STPG2: variants seen among roughly 807,000 people sequenced by gnomAD.
The protein encoded by STPG2 is sperm-tail PG-rich repeat-containing protein 2.
A neutral mutation model predicts 54.2 loss-of-function variants in STPG2; 56 were observed. The observed-to-expected ratio is 1.03, with a 90% CI of 0.83 to 1.29. The LOEUF (loss-of-function observed/expected upper bound fraction) is 1.29. STPG2 is among the 50% of genes most tolerant of loss of function. The probability of loss-of-function intolerance (pLI) is 0.00; values close to 1 mark genes in which losing one functional copy is unlikely to be tolerated. For missense variants in STPG2, 596 were observed against 544.9 expected (o/e 1.09, Z -0.93); for synonymous variants, 200 against 181.8 (o/e 1.10, Z -0.81).
At chr4:97,890,154 A>T (rs1285245837) in intron 8 of STPG2, among the ~76,000 whole-genome samples, 1 of 152,106 alleles carries the variant, frequency 6.6e-6, no homozygotes, top group Non-Finnish European at 1.5e-5. Flanking sequence ...AGTTACCATG[A>T]TAATCCTGAA....
intron 4 of STPG2, among the ~76,000 whole-genome samples, chr4:97,455,209 A>T (rs773667172): frequency 3.9e-5 from 6 of 152,196 alleles, no homozygotes; most frequent in Non-Finnish European, 7.3e-5. Context: ...ACATTGATAC[A>T]GGAGTGGGGC....
intron 8 of STPG2, among the ~76,000 whole-genome samples, chr4:97,860,698 A>G (rs1458633868): frequency 9.9e-5 from 15 of 152,042 alleles, no homozygotes; most frequent in Non-Finnish European, 1.6e-4. Context: ...GGGGTTTTCT[A>G]GATACATGAC....
In STPG2 at chr4:97,777,349, C is replaced by T. The variant is rs112571822; in HGVS notation, c.1204+63424G>A. On this transcript the variant is annotated intron_variant, in intron 9 of 10. Coordinates refer to ENST00000295268, the MANE Select transcript of STPG2 (RefSeq NM_174952.3). ...AAATCATCTCTTTCTTTAAATTAGACAGAAAGGTCTTATTCTGATGCGACT... is the reference window on the plus strand; with the variant it reads ...AAATCATCTCTTTCTTTAAATTAGATAGAAAGGTCTTATTCTGATGCGACT... 5.5e-3 allele frequency among the ~76,000 whole-genome samples: 843 copies of T among 152,236 alleles called. 4 individuals are homozygous for T. Among genetic ancestry groups the T allele is most frequent in the Middle Eastern group, 0.02 (6 of 294 alleles).
intron 4 of STPG2, among the ~76,000 whole-genome samples, chr4:97,452,122 C>A (rs1243061397): frequency 2.2e-4 from 8 of 36,104 alleles, no homozygotes; most frequent in Non-Finnish European, 5.7e-4. Flanking sequence ...CCGCCCCCAC[C>A]CCCCCCCCCC....
intron 10 of STPG2, among the ~76,000 whole-genome samples, chr4:97,662,414 T>G (rs541795847): frequency 6.6e-6 from 1 of 152,110 alleles, no homozygotes; most frequent in South Asian, 2.1e-4. Flanking sequence ...AATGCTTATA[T>G]AATGTGGGTT....
Position 98,134,560 on chromosome 4 carries a change from T to C in STPG2, c.110-101A>G, listed in dbSNP as rs1314728952. On this transcript the variant is annotated intron_variant, in intron 1 of 10. Transcript: ENST00000295268. ...TATAATCATGAGTATCCTCAATTGTTAAGACTTTATTTTCAGAACTGTCTA... is the reference window on the plus strand; with the variant it reads ...TATAATCATGAGTATCCTCAATTGTCAAGACTTTATTTTCAGAACTGTCTA... 4 of 488,462 alleles carry C rather than the reference T, an allele frequency of 8.2e-6. No individual in the cohort carries two copies. The Admixed American group carries it at 1.3e-4, about 15-fold the overall frequency. 30.3% of individuals were successfully genotyped at this position (488,462 alleles called of 1,614,324 possible). A position where few individuals can be genotyped will look rare whatever the true frequency, so the allele number is the denominator to read the frequency against.
chr4:97,504,483 T>C (rs1424563219), intron 4 of STPG2, among the ~76,000 whole-genome samples: 1 of 151,870 alleles, frequency 6.6e-6, no homozygotes, highest in Non-Finnish European at 1.5e-5. Context: ...AAAATTTAAA[T>C]AGTACCTATG....
chr4:97,923,235 C>T (rs1732180136), intron 8 of STPG2, among the ~76,000 whole-genome samples: 1 of 152,254 alleles, frequency 6.6e-6, no homozygotes. Context: ...GCTCCCTCAG[C>T]CTGCGGGGGG....
At chr4:98,024,426 A>G (rs1221148503) in intron 5 of STPG2, among the ~76,000 whole-genome samples, 3 of 152,316 alleles carry the variant, frequency 2.0e-5, no homozygotes, top group East Asian at 1.9e-4. Flanking sequence ...TTAATAGGTC[A>G]CTGCTGATCT....
chr4:97,907,204 G>T (rs1184107447), intron 8 of STPG2, among the ~76,000 whole-genome samples: 4 of 151,080 alleles, frequency 2.6e-5, no homozygotes, highest in Admixed American at 2.0e-4. Flanking sequence ...AAAATCACAA[G>T]CATTCTTATA....
At chr4:97,639,927 C>T (rs116839988) in intron 10 of STPG2, among the ~76,000 whole-genome samples, 57 of 152,082 alleles carry the variant, frequency 3.7e-4, no homozygotes, top group African/African-American at 1.3e-3. Context: ...ACGCCAGGAG[C>T]TCTAATATTC....
chr4:98,019,576 G>A (rs573005470), intron 5 of STPG2, among the ~76,000 whole-genome samples: 4 of 151,646 alleles, frequency 2.6e-5, no homozygotes, highest in African/African-American at 4.8e-5. Flanking sequence ...AGCTTGATGG[G>A]GATGGCATTG....
At chr4:97,574,168 T>G (rs1732664972) in intron 10 of STPG2, among the ~76,000 whole-genome samples, 2 of 152,028 alleles carry the variant, frequency 1.3e-5, no homozygotes, top group Admixed American at 1.3e-4. Context: ...ATTATTAATC[T>G]CTAAGAAATA....
At position 97,563,679 on chromosome 4, in the gene STPG2, C is replaced by G. The variant is rs1002825065; in HGVS notation, c.1321-4562G>C. Among the ~76,000 whole-genome samples the G allele has an allele frequency of 3.3e-5, 5 of 152,086 alleles. No individual in the cohort carries two copies. In the East Asian group the frequency reaches 9.6e-4, roughly 29 times the overall value. ...GTTTCAAAGAACATCTTTATTTCTG[C>G]CTTCATTTCGTTATGTACCCAGTAG... On this transcript the variant is annotated intron_variant, in intron 10 of 10. Coordinates refer to ENST00000295268, the MANE Select transcript of STPG2 (RefSeq NM_174952.3).
intron 4 of STPG2, among the ~76,000 whole-genome samples, chr4:97,482,068 C>G (rs1024850589): frequency 6.6e-6 from 1 of 151,330 alleles, no homozygotes. Flanking sequence ...ATTTGTTGGT[C>G]TTTTTGGTAT....
chr4:97,708,517 G>C (rs560499591), intron 10 of STPG2, among the ~76,000 whole-genome samples: 4 of 151,912 alleles, frequency 2.6e-5, no homozygotes, highest in Non-Finnish European at 5.9e-5. Context: ...GTTTGCCAGT[G>C]ATTCTAAGAA....
chr4:97,807,380 CT>C (rs1161838296), intron 9 of STPG2, among the ~76,000 whole-genome samples: 4 of 151,936 alleles, frequency 2.6e-5, no homozygotes, highest in Middle Eastern at 3.2e-3. Flanking sequence ...TACCACAACT[CT>C]ATCTAAAAAC....
At chr4:97,684,042 C>T (rs960640533) in intron 10 of STPG2, among the ~76,000 whole-genome samples, 4 of 151,748 alleles carry the variant, frequency 2.6e-5, no homozygotes, top group Admixed American at 2.6e-4. Flanking sequence ...TACCTTTAAA[C>T]TTGACAAAAT....
intron 7 of STPG2, among the ~76,000 whole-genome samples, chr4:97,966,772 G>A (rs958084434): frequency 6.6e-6 from 1 of 152,078 alleles, no homozygotes; most frequent in Non-Finnish European, 1.5e-5. Flanking sequence ...GCCAAACTAA[G>A]CTTCATAAGT....
Sources: allele counts gnomAD v4.1 joint callset (sites outside exome capture counted in the v4.1 genomes callset), GRCh38; gene constraint gnomAD v4.1.1; transcripts MANE v1.5; gene names NCBI Gene and HGNC (gene_info 2026-07-23, HGNC 2026-07-21).